ACOXL: variants seen among roughly 807,000 people sequenced by gnomAD.
The protein encoded by ACOXL is acyl-coenzyme A oxidase-like protein.
A neutral mutation model predicts 71.9 loss-of-function variants in ACOXL; 70 were observed. The observed-to-expected ratio is 0.97, with a 90% CI of 0.80 to 1.19. ACOXL has a LOEUF of 1.19. ACOXL is among the 50% of genes most tolerant of loss of function. The pLI is 0.00. For synonymous variants in ACOXL, 253 were observed against 281.6 expected (o/e 0.90, Z 1.02); for missense variants, 703 against 736.3 (o/e 0.95, Z 0.52).
intron 8 of ACOXL, among the ~76,000 whole-genome samples, chr2:110,802,313 G>C (rs1053033388): frequency 1.3e-5 from 2 of 152,176 alleles, no homozygotes; most frequent in African/African-American, 4.8e-5. Context: ...GTGTTCTGGG[G>C]GTGGAGCTCT....
chr2:110,972,887 A>G (rs1262294194), intron 12 of ACOXL, among the ~76,000 whole-genome samples: 4 of 152,210 alleles, frequency 2.6e-5, no homozygotes, highest in Non-Finnish European at 5.9e-5. Context: ...GGTCATGTAG[A>G]CACCCTCTGC....
At chr2:110,802,461 C>T (rs571703137) in intron 8 of ACOXL, among the ~76,000 whole-genome samples, 22 of 152,260 alleles carry the variant, frequency 1.4e-4, no homozygotes, top group Non-Finnish European at 2.5e-4. Flanking sequence ...TCAGGGTACA[C>T]ACAACCAGCT....
intron 10 of ACOXL, among the ~76,000 whole-genome samples, chr2:110,890,194 T>G (rs1366235739): frequency 6.6e-6 from 1 of 152,232 alleles, no homozygotes; most frequent in East Asian, 1.9e-4. Context: ...TCTTTATATA[T>G]TCCAGATATC....
chr2:110,795,952 G>C (rs1685229627), intron 5 of ACOXL: 1 of 151,672 alleles, frequency 6.6e-6, no homozygotes, highest in African/African-American at 2.4e-5. Flanking sequence ...TGTCTGATAG[G>C]GGACCTGCAA....
chr2:110,820,613 G>A (rs1291583665), intron 9 of ACOXL, among the ~76,000 whole-genome samples: 1 of 152,284 alleles, frequency 6.6e-6, no homozygotes, highest in East Asian at 1.9e-4. Context: ...GCCACTGAGA[G>A]CGATAGACTG....
rs1452445738 is a variant in ACOXL at position 110,846,636 on chromosome 2, T to TACACACACACACACACAC, written c.788+5235_788+5236insACACACACACACACACAC. 8.9e-3 allele frequency among the ~76,000 whole-genome samples: 400 copies of TACACACACACACACACAC among 44,880 alleles called. 3 individuals carry two copies. The highest frequency in any genetic ancestry group is 0.055 in the Admixed American group (302 of 5,474). 29.4% of individuals were successfully genotyped at this position (44,880 alleles called of 152,430 possible). A position where few individuals can be genotyped will look rare whatever the true frequency, so the allele number is the denominator to read the frequency against. On this transcript the variant is annotated intron_variant, in intron 10 of 17. Coordinates refer to ENST00000439055, the MANE Select transcript of ACOXL (RefSeq NM_001142807.4). ...CCGCATGTGAGCATGCAAGTATGCATACACGCACACACACACACACACACA... is the reference window on the plus strand; with the variant it reads ...CCGCATGTGAGCATGCAAGTATGCATACACACACACACACACACACACGCACACACACACACACACACA...
intron 10 of ACOXL, among the ~76,000 whole-genome samples, chr2:110,866,375 A>G (rs1181114643): frequency 6.6e-6 from 1 of 152,142 alleles, no homozygotes; most frequent in African/African-American, 2.4e-5. Flanking sequence ...CGGGCTTTGG[A>G]AGGGCTTCTC....
chr2:111,046,957 T>C (rs1277341686), intron 15 of ACOXL, among the ~76,000 whole-genome samples: 2 of 152,056 alleles, frequency 1.3e-5, no homozygotes, highest in African/African-American at 4.8e-5. Flanking sequence ...GTGGCAGCAG[T>C]GGGCATGGAG....
chr2:111,007,128 G>T (rs1227529439), intron 14 of ACOXL, among the ~76,000 whole-genome samples: 3 of 152,272 alleles, frequency 2.0e-5, no homozygotes, highest in Non-Finnish European at 4.4e-5. Context: ...AAGAGACCCT[G>T]GGAGTCACAT....
At chr2:111,099,099 C>G (rs140002045) in intron 17 of ACOXL, 2 of 152,274 alleles carry the variant, frequency 1.3e-5, no homozygotes, top group African/African-American at 2.4e-5. Context: ...TTGTAGTCCT[C>G]CTTGTTCCTT....
chr2:111,071,937 G>A (rs2067361965), intron 16 of ACOXL, among the ~76,000 whole-genome samples: 1 of 152,190 alleles, frequency 6.6e-6, no homozygotes, highest in Non-Finnish European at 1.5e-5. Context: ...GTTGTGGTCA[G>A]GGAGAAAGTC....
intron 12 of ACOXL, among the ~76,000 whole-genome samples, chr2:110,952,650 G>A (rs902808366): frequency 2.6e-5 from 4 of 152,010 alleles, no homozygotes; most frequent in Admixed American, 2.0e-4. Flanking sequence ...GTCTCACTGT[G>A]TTGTCCAGGC....
intron 9 of ACOXL, among the ~76,000 whole-genome samples, chr2:110,818,160 C>T (rs949835354): frequency 6.6e-6 from 1 of 151,668 alleles, no homozygotes; most frequent in Non-Finnish European, 1.5e-5. Flanking sequence ...TTTGGGAGGT[C>T]AAGTCGGGGG....
In ACOXL at chr2:111,002,378, A is replaced by T. The variant is rs770349075; in HGVS notation, c.1281+6374A>T. 2.0e-5 allele frequency among the ~76,000 whole-genome samples: 3 copies of T among 152,354 alleles called. No homozygotes were observed. In the South Asian group the frequency reaches 6.2e-4, roughly 32 times the overall value. On this transcript the variant is annotated intron_variant, in intron 14 of 17. Transcript: ENST00000439055. ...TTCAAAAGTTTTGGCATTGATATAC[A>T]CATTTTTGAAGCAAAATATAAAGAG...
chr2:110,957,124 T>A (rs562767027), intron 12 of ACOXL, among the ~76,000 whole-genome samples: 38 of 152,288 alleles, frequency 2.5e-4, no homozygotes, highest in African/African-American at 7.0e-4. Context: ...TTACTCACTT[T>A]TTTTTTTCGG....
intron 12 of ACOXL, among the ~76,000 whole-genome samples, chr2:110,947,226 G>A (rs3789126): frequency 0.029 from 4,456 of 152,298 alleles, 108 homozygotes; most frequent in South Asian, 0.072. Context: ...GGTCAACCAA[G>A]TTCTTCAGAC....
At chr2:110,752,204 C>A (rs539931474) in intron 1 of ACOXL, among the ~76,000 whole-genome samples, 1 of 152,252 alleles carries the variant, frequency 6.6e-6, no homozygotes, top group East Asian at 1.9e-4. Flanking sequence ...GACAGGGTTT[C>A]ACCATATTGG....
intron 9 of ACOXL, among the ~76,000 whole-genome samples, chr2:110,815,036 A>G (rs1270970711): frequency 3.3e-5 from 5 of 152,176 alleles, no homozygotes; most frequent in Non-Finnish European, 1.5e-5. Flanking sequence ...GGTTTAATTA[A>G]CTCACAGTTC....
intron 5 of ACOXL, among the ~76,000 whole-genome samples, chr2:110,794,964 A>G (rs1685113179): frequency 6.6e-6 from 1 of 151,316 alleles, no homozygotes; most frequent in Non-Finnish European, 1.5e-5. Context: ...CTCACCAAAA[A>G]AGAAAGCAAC....
Sources: gnomAD v4.1 joint callset for allele counts (sites outside exome capture counted in the v4.1 genomes callset) on GRCh38, gnomAD v4.1.1 for gene constraint, MANE v1.5 for transcripts, NCBI Gene and HGNC (gene_info 2026-07-23, HGNC 2026-07-21) for gene names.